The following KCNG2 variants were observed in gnomAD, a reference collection of about 807,000 sequenced individuals.
KCNG2 encodes voltage-gated potassium channel regulatory subunit KCNG2.
A neutral mutation model predicts 12.3 loss-of-function variants in KCNG2; 7 were observed. The ratio of observed to expected loss-of-function variants is 0.57; its 90% CI spans 0.32 to 1.07. The LOEUF is 1.07. Ranked by LOEUF, KCNG2 falls within the 50% of genes least tolerant of loss-of-function variation. The pLI is 0.04. For missense variants in KCNG2, 703 were observed against 726.0 expected (o/e 0.97, Z 0.36); for synonymous variants, 414 against 351.4 (o/e 1.18, Z -1.99).
chr18:79,852,390 C>T (rs1978855160), intron 1 of KCNG2, among the ~76,000 whole-genome samples: 1 of 152,228 alleles, frequency 6.6e-6, no homozygotes, highest in Admixed American at 6.5e-5. Context: ...TGCTTTATGT[C>T]TGTAATATCA....
chr18:79,887,721 A>C (rs937021500), intron 3 of KCNG2, among the ~76,000 whole-genome samples: 4 of 152,122 alleles, frequency 2.6e-5, no homozygotes, highest in African/African-American at 9.7e-5. Flanking sequence ...CTGCACCCGG[A>C]CACGTTGCCA....
intron 3 of KCNG2, chr18:79,876,359 G>C (rs1375821658): frequency 6.6e-6 from 1 of 152,620 alleles, no homozygotes; most frequent in African/African-American, 2.4e-5. Flanking sequence ...CAAGCACACT[G>C]TGTGGGCACT....
chr18:79,875,310 C>T (rs2123099448), intron 3 of KCNG2, among the ~76,000 whole-genome samples: 1 of 152,228 alleles, frequency 6.6e-6, no homozygotes, highest in South Asian at 2.1e-4. Context: ...GTCCTGGGGG[C>T]TCCTCTCAGT....
chr18:79,887,231 A>AC (rs1474592051), intron 3 of KCNG2, among the ~76,000 whole-genome samples: 1 of 151,768 alleles, frequency 6.6e-6, no homozygotes, highest in Non-Finnish European at 1.5e-5. Context: ...TCACAGGGAC[A>AC]GGGACACAGG....
In KCNG2 at chr18:79,877,612, C is replaced by A. The variant is rs732039; in HGVS notation, c.624+13321C>A. On this transcript the variant is annotated intron_variant, in intron 3 of 3. Transcript: ENST00000316249. Reference sequence around the variant, plus strand: ...GAGTCACGGCACTCAGAATCAGCCTCGTTCCTGGCAGGCTGAAGCCGCAGA... The same window carrying A: ...GAGTCACGGCACTCAGAATCAGCCTAGTTCCTGGCAGGCTGAAGCCGCAGA... 2.9e-3 allele frequency among the ~76,000 whole-genome samples: 445 copies of A among 152,026 alleles called. 3 individuals carry two copies. Among genetic ancestry groups the A allele is most frequent in the African/African-American group, 0.01 (431 of 41,440 alleles).
chr18:79,827,927 C>CTTTTTT (rs55913813), intron 1 of KCNG2, among the ~76,000 whole-genome samples: 8 of 141,122 alleles, frequency 5.7e-5, no homozygotes, highest in East Asian at 2.1e-4. Context: ...TTCTTTCTTT[C>CTTTTTT]TTTTTTTTTT....
chr18:79,869,373 G>A (rs4798923), intron 3 of KCNG2, among the ~76,000 whole-genome samples: 46,714 of 152,114 alleles, frequency 0.31, 8,248 homozygotes, highest in South Asian at 0.52. Flanking sequence ...GGACATGCCC[G>A]TGCGTCCCCA....
chr18:79,889,933 T>C (rs1412404588), intron 3 of KCNG2, among the ~76,000 whole-genome samples: 4 of 152,222 alleles, frequency 2.6e-5, no homozygotes, highest in Non-Finnish European at 4.4e-5. Context: ...TGAAAAGATG[T>C]TGTATTTTGT....
chr18:79,867,455 G>T (rs766989926), intron 3 of KCNG2, among the ~76,000 whole-genome samples: 2 of 12,694 alleles, frequency 1.6e-4, no homozygotes, highest in African/African-American at 2.3e-4. Flanking sequence ...TCGTGTCTTG[G>T]GGGGGGGACC....
intron 1 of KCNG2, among the ~76,000 whole-genome samples, chr18:79,820,040 G>T (rs2087559586): frequency 6.6e-6 from 1 of 152,234 alleles, no homozygotes; most frequent in Admixed American, 6.5e-5. Flanking sequence ...TTCTCCGAAG[G>T]AGGTGCGTGT....
chr18:79,861,574 G>A (rs1324205060), intron 2 of KCNG2, among the ~76,000 whole-genome samples: 2 of 152,116 alleles, frequency 1.3e-5, no homozygotes, highest in African/African-American at 4.8e-5. Context: ...CCACTGTGCC[G>A]GGTCTTTGTC....
At chr18:79,893,184 C>T (rs12964042) in intron 3 of KCNG2, among the ~76,000 whole-genome samples, 243 of 137,646 alleles carry the variant, frequency 1.8e-3, no homozygotes, top group Non-Finnish European at 2.7e-3. Context: ...GCTCCGTGTC[C>T]GCTTTTGATT....
chr18:79,848,356 G>A (rs1335734383), intron 1 of KCNG2, among the ~76,000 whole-genome samples: 3 of 152,184 alleles, frequency 2.0e-5, no homozygotes, highest in South Asian at 2.1e-4. Context: ...ACAGAGTAGG[G>A]GTCCGCAGGC....
intron 3 of KCNG2, among the ~76,000 whole-genome samples, chr18:79,880,229 A>G (rs756607100): frequency 2.0e-5 from 3 of 150,554 alleles, no homozygotes; most frequent in Non-Finnish European, 2.9e-5. Flanking sequence ...AGAAGTAGGG[A>G]TAGTTACATG....
At chr18:79,891,510 C>T (rs1980743406) in intron 3 of KCNG2, among the ~76,000 whole-genome samples, 1 of 152,146 alleles carries the variant, frequency 6.6e-6, no homozygotes, top group African/African-American at 2.4e-5. Flanking sequence ...GAGTTACAGG[C>T]ATGAGCCACC....
chr18:79,863,715 C>A lies in KCNG2; in HGVS notation c.48C>A (p.Ala16=). 8.3e-7 allele frequency: 1 copy of A among 1,205,446 alleles called. No individual in the cohort carries two copies. The highest frequency in any genetic ancestry group is 1.6e-5 in the African/African-American group (1 of 63,164). 74.7% of individuals were successfully genotyped at this position (1,205,446 alleles called of 1,614,324 possible). The change falls in exon 3 of 4, where the codon GCC becomes GCA. Residue 16 remains alanine, a synonymous_variant. Coordinates refer to ENST00000316249, the MANE Select transcript of KCNG2 (RefSeq NM_012283.2). ...CGGGCGGCGGCGGCGGGACCCGCGC[C>A]CGGCACGTCATCATCAACGTGGGCG... ...CSPGGGGGTR[A]RHVIINVGGC...
At chr18:79,808,061 T>G (rs371702767) in intron 1 of KCNG2, among the ~76,000 whole-genome samples, 16 of 95,606 alleles carry the variant, frequency 1.7e-4, no homozygotes, top group East Asian at 1.4e-3. Context: ...CCCAGAGTCC[T>G]CGCCCTGAGG....
chr18:79,829,617 C>T (rs1490466356), intron 1 of KCNG2, among the ~76,000 whole-genome samples: 2 of 152,138 alleles, frequency 1.3e-5, no homozygotes, highest in East Asian at 3.9e-4. Context: ...CCTTCTCTGC[C>T]TCTCTACAGC....
intron 1 of KCNG2, among the ~76,000 whole-genome samples, chr18:79,848,432 A>G (rs1007569255): frequency 1.3e-5 from 2 of 152,168 alleles, no homozygotes. Context: ...AGCACCGGCC[A>G]TCGTCAGCCC....
Sources: gnomAD v4.1 joint callset for allele counts (sites outside exome capture counted in the v4.1 genomes callset) on GRCh38, gnomAD v4.1.1 for gene constraint, MANE v1.5 for transcripts, NCBI Gene and HGNC (gene_info 2026-07-23, HGNC 2026-07-21) for gene names.